HDX: variants seen among roughly 807,000 people sequenced by gnomAD.
HDX encodes the protein highly divergent homeobox.
Under a neutral mutation model 45.2 loss-of-function variants are expected in HDX, and 19 were observed. That is an observed-to-expected ratio of 0.42 (90% CI 0.29 to 0.62). HDX has a LOEUF of 0.62. Among genes scored for constraint, HDX ranks in the 20% least tolerant of loss-of-function variants. The pLI is 0.20. For missense variants in HDX, 532 were observed against 493.9 expected, an observed-to-expected ratio of 1.08 and a Z score of -0.73; for synonymous variants, 188 against 172.8, an observed-to-expected ratio of 1.09 and a Z score of -0.69.
At chrX:84,367,850 T>C (rs2037797815) in intron 5 of HDX, among the ~76,000 whole-genome samples, 3 of 111,070 alleles carry the variant, frequency 2.7e-5, no homozygotes, top group Admixed American at 1.9e-4. Flanking sequence ...TGAGGCCTGT[T>C]GGGGTGTGGG....
At chrX:84,359,512 G>T (rs1444944868) in intron 6 of HDX, among the ~76,000 whole-genome samples, 3 of 111,394 alleles carry the variant, frequency 2.7e-5, no homozygotes, top group African/African-American at 9.8e-5. Flanking sequence ...GCCCTGCAAA[G>T]GACATGATCT....
intron 5 of HDX, chrX:84,439,851 C>T (rs1302211188): frequency 9.0e-6 from 1 of 111,178 alleles, no homozygotes; most frequent in Non-Finnish European, 1.9e-5. Context: ...CTGTTTTGTT[C>T]TTTTTGCTTA....
In HDX at chrX:84,318,630, T is replaced by TA. The variant is rs2036542671; in HGVS notation, c.*3258dup. ...CCAAAATTATTTTAAATTAACCACT[T>TA]ATGTTTTCTCCTACAAACTTACAGA... is the stretch of plus-strand genomic sequence containing the variant. On this transcript the variant is annotated 3_prime_UTR_variant, in exon 11 of 11. Transcript: ENST00000373177. 1 of 111,081 alleles carries TA rather than the reference T, an allele frequency of 9.0e-6. No homozygotes were observed. The highest frequency in any genetic ancestry group is 1.9e-5 in the Non-Finnish European group (1 of 52,549). 9.2% of individuals were successfully genotyped at this position (111,081 alleles called of 1,213,427 possible).
intron 5 of HDX, among the ~76,000 whole-genome samples, chrX:84,368,246 T>C (rs2037808282): frequency 8.9e-6 from 1 of 111,856 alleles, no homozygotes; most frequent in Non-Finnish European, 1.9e-5. Context: ...CATGGTTTTC[T>C]TTCTTCTTTA....
chrX:84,487,250 T>C (rs2040813992), intron 2 of HDX, among the ~76,000 whole-genome samples: 1 of 112,380 alleles, frequency 8.9e-6, no homozygotes, highest in Non-Finnish European at 1.9e-5. Flanking sequence ...AGGTGTTTAT[T>C]TTCATCTAAG....
In HDX at chrX:84,482,030, T is replaced by C. The variant is rs149066359; in HGVS notation, c.-1+5994A>G. Among the ~76,000 whole-genome samples the C allele has an allele frequency of 9.7e-3, 1,092 of 112,016 alleles. 7 individuals carry two copies. The highest frequency in any genetic ancestry group is 0.015 in the Non-Finnish European group (810 of 53,200). ...ATGGCCTCCAGCTGCATCCATGTTG[T>C]TGCAAAGAATATGATTTCATTCTTC... On this transcript the variant is annotated intron_variant, in intron 2 of 10. Coordinates refer to ENST00000373177, the MANE Select transcript of HDX (RefSeq NM_001177479.2).
chrX:84,486,823 T>A (rs1398409501), intron 2 of HDX, among the ~76,000 whole-genome samples: 1 of 111,391 alleles, frequency 9.0e-6, no homozygotes, highest in Admixed American at 9.6e-5. Context: ...CATAATTTTC[T>A]TTGATTTTAT....
At chrX:84,487,213 G>C (rs1893665829) in intron 2 of HDX, among the ~76,000 whole-genome samples, 1 of 111,910 alleles carries the variant, frequency 8.9e-6, no homozygotes, top group Non-Finnish European at 1.9e-5. Context: ...ACTCTGCTGA[G>C]AACTTCTCAC....
At chrX:84,500,836 G>A (rs1167698702) in intron 1 of HDX, among the ~76,000 whole-genome samples, 1 of 111,567 alleles carries the variant, frequency 9.0e-6, no homozygotes, top group East Asian at 2.8e-4. Context: ...TTAAAATTCG[G>A]GTGGAATTAG....
At chrX:84,470,571 C>T (rs986888963) in intron 3 of HDX, among the ~76,000 whole-genome samples, 7 of 110,943 alleles carry the variant, frequency 6.3e-5, no homozygotes, top group African/African-American at 2.0e-4. Flanking sequence ...TAGTTATTGT[C>T]TTCTTTACAT....
chrX:84,385,582 C>A (rs2038299371), intron 5 of HDX, among the ~76,000 whole-genome samples: 1 of 110,314 alleles, frequency 9.1e-6, no homozygotes, highest in African/African-American at 3.3e-5. Flanking sequence ...TCTTGGTGAG[C>A]TGCATTCCTA....
At chrX:84,417,461 T>C (rs1602416771) in intron 5 of HDX, among the ~76,000 whole-genome samples, 1 of 112,089 alleles carries the variant, frequency 8.9e-6, no homozygotes, top group African/African-American at 3.2e-5. Flanking sequence ...CAAAGCTCAG[T>C]GCCAAGAAAG....
At chrX:84,472,879 G>T (rs2040477841) in intron 3 of HDX, among the ~76,000 whole-genome samples, 1 of 109,786 alleles carries the variant, frequency 9.1e-6, no homozygotes, top group African/African-American at 3.3e-5. Context: ...ACTAAAATTT[G>T]TTCAGTTATT....
At chrX:84,361,222 A>T (rs984223557) in intron 6 of HDX, among the ~76,000 whole-genome samples, 2 of 111,677 alleles carry the variant, frequency 1.8e-5, no homozygotes, top group Non-Finnish European at 3.8e-5. Context: ...ACAAATATCT[A>T]TTCATTTCCT....
At chrX:84,362,900 T>C (rs1299396061) in intron 5 of HDX, among the ~76,000 whole-genome samples, 1 of 112,045 alleles carries the variant, frequency 8.9e-6, no homozygotes, top group Non-Finnish European at 1.9e-5. Context: ...AGCATGTTTC[T>C]TTTAAAGTTA....
intron 1 of HDX, chrX:84,501,330 GGAA>G (rs2041114052): frequency 9.0e-6 from 1 of 111,281 alleles, no homozygotes; most frequent in Non-Finnish European, 1.9e-5. Flanking sequence ...GAGACACAGA[GGAA>G]GAAGATGGAC....
chrX:84,418,483 A>G (rs772973637), intron 5 of HDX, among the ~76,000 whole-genome samples: 2 of 111,837 alleles, frequency 1.8e-5, no homozygotes, highest in Non-Finnish European at 3.8e-5. Flanking sequence ...CTTTGCCATT[A>G]CTTTTAACGG....
rs778793271 is a variant in HDX at position 84,374,900 on chromosome X, T to A, written c.1306-13288A>T. On this transcript the variant is annotated intron_variant, in intron 5 of 10. Coordinates refer to ENST00000373177, the MANE Select transcript of HDX (RefSeq NM_001177479.2). ...AAAGCCAAAATTGACAAATGGGATC[T>A]AATTAAACTAAAGAGCTTCTGCACA... Among the ~76,000 whole-genome samples the A allele has an allele frequency of 4.0e-5, 4 of 100,505 alleles. No homozygotes were observed. In the South Asian group the frequency reaches 1.9e-3, roughly 48 times the overall value. The allele number at this position is 100,505 out of a possible 115,157, so 87.3% of individuals were successfully genotyped here. A position where few individuals can be genotyped will look rare whatever the true frequency, so the allele number is the denominator to read the frequency against.
chrX:84,460,886 T>G (rs941860071), intron 4 of HDX, among the ~76,000 whole-genome samples: 2 of 112,061 alleles, frequency 1.8e-5, no homozygotes, highest in African/African-American at 6.5e-5. Context: ...GTAGCATTTC[T>G]AAATGCTAAC....
Sources: gnomAD v4.1 joint callset for allele counts (sites outside exome capture counted in the v4.1 genomes callset) on GRCh38, gnomAD v4.1.1 for gene constraint, MANE v1.5 for transcripts, NCBI Gene and HGNC (gene_info 2026-07-23, HGNC 2026-07-21) for gene names.